Variants in AGPS observed in about 807,000 individuals in gnomAD.
The protein encoded by AGPS is alkylglycerone phosphate synthase, also known as alkyldihydroxyacetonephosphate synthase, peroxisomal.
Under a neutral mutation model 90.7 loss-of-function variants are expected in AGPS, and 26 were observed. That is an observed-to-expected ratio of 0.29 (90% CI 0.21 to 0.40). The LOEUF is 0.40. Among genes scored for constraint, AGPS ranks in the 10% least tolerant of loss-of-function variants. The pLI, the probability that AGPS is intolerant of heterozygous loss-of-function variation, is 1.00. For missense variants in AGPS, 540 were observed against 816.1 expected (o/e 0.66, Z 4.12); for synonymous variants, 294 against 285.3 (o/e 1.03, Z -0.31).
chr2:177,425,028 T>C lies in AGPS; in HGVS notation c.350+4670T>C, dbSNP rs148835837. Among the ~76,000 whole-genome samples, 525 of 152,278 alleles carry C rather than the reference T, an allele frequency of 3.4e-3. 4 individuals are homozygous for C. Among genetic ancestry groups the C allele is most frequent in the African/African-American group, 0.012 (501 of 41,566 alleles). The stretch of plus-strand genomic sequence containing the variant: ...AAATTTTCTCCCGTTCTGTAGGTTG[T>C]CTGTTCACTCTGATGATAGTTTCTT... On this transcript the variant is annotated intron_variant, in intron 2 of 19. Transcript: ENST00000264167.
Position 177,418,903 on chromosome 2 carries a change from C to T in AGPS, c.261-1366C>T, listed in dbSNP as rs1484081013. On this transcript the variant is annotated intron_variant, in intron 1 of 19. Coordinates refer to ENST00000264167, the MANE Select transcript of AGPS (RefSeq NM_003659.4). ...CCAAAAGCTCCGTTCCAAAATCTCT[C>T]TCTGCAATGAGGTAGGAATGTTATG... Among the ~76,000 whole-genome samples the T allele has an allele frequency of 2.6e-5, 4 of 151,796 alleles. No individual in the cohort carries two copies. In the South Asian group the frequency reaches 8.3e-4, roughly 31 times the overall value.
chr2:177,465,644 T>C (rs1256346559), intron 9 of AGPS, among the ~76,000 whole-genome samples: 1 of 152,204 alleles, frequency 6.6e-6, no homozygotes, highest in Non-Finnish European at 1.5e-5. Context: ...ATCAGCTCCC[T>C]ACAAGGCTGC....
At chr2:177,469,717 A>G (rs927088208) in intron 10 of AGPS, among the ~76,000 whole-genome samples, 1 of 152,248 alleles carries the variant, frequency 6.6e-6, no homozygotes, top group African/African-American at 2.4e-5. Flanking sequence ...ATCAGAAGTC[A>G]AGTTGAATAA....
intron 8 of AGPS, among the ~76,000 whole-genome samples, chr2:177,445,851 A>G (rs1163127136): frequency 1.3e-5 from 2 of 152,196 alleles, no homozygotes; most frequent in East Asian, 1.9e-4. Context: ...TGCTACCTTC[A>G]GGTAGCTTAG....
At chr2:177,427,116 C>CT (rs1394731268) in intron 2 of AGPS, among the ~76,000 whole-genome samples, 2 of 152,038 alleles carry the variant, frequency 1.3e-5, no homozygotes, top group Non-Finnish European at 2.9e-5. Context: ...AACTTATCCA[C>CT]TTTTTTCTAG....
At chr2:177,414,507 A>G (rs956289189) in intron 1 of AGPS, among the ~76,000 whole-genome samples, 9 of 152,134 alleles carry the variant, frequency 5.9e-5, no homozygotes, top group South Asian at 2.1e-4. Context: ...TTGGCCTTAA[A>G]AAGTTTTTTA....
At chr2:177,418,395 G>A (rs919218708) in intron 1 of AGPS, among the ~76,000 whole-genome samples, 3 of 151,900 alleles carry the variant, frequency 2.0e-5, no homozygotes, top group Non-Finnish European at 4.4e-5. Flanking sequence ...TAAATTCTAG[G>A]GATAATTTTA....
chr2:177,410,918 G>A (rs894137808), intron 1 of AGPS, among the ~76,000 whole-genome samples: 5 of 152,166 alleles, frequency 3.3e-5, no homozygotes, highest in Admixed American at 3.3e-4. Flanking sequence ...AAGGGGCATG[G>A]ACGAGGGGGT....
intron 2 of AGPS, among the ~76,000 whole-genome samples, chr2:177,428,610 A>C (rs1032498854): frequency 2.0e-5 from 3 of 152,182 alleles, no homozygotes; most frequent in African/African-American, 7.2e-5. Context: ...TTCTAGGTTG[A>C]AAATTCTTTT....
At chr2:177,517,026 C>T (rs1689039777) in intron 17 of AGPS, among the ~76,000 whole-genome samples, 1 of 152,042 alleles carries the variant, frequency 6.6e-6, no homozygotes, top group African/African-American at 2.4e-5. Flanking sequence ...AGGCACCTAA[C>T]ATTTGGCCTA....
At chr2:177,429,056 A>G (rs530962651) in intron 2 of AGPS, among the ~76,000 whole-genome samples, 2 of 151,862 alleles carry the variant, frequency 1.3e-5, no homozygotes, top group African/African-American at 2.4e-5. Flanking sequence ...CTTGAAGACT[A>G]TAGTCTTCAA....
In AGPS at chr2:177,436,840, T is replaced by C; in HGVS notation, c.518T>C (p.Ile173Thr). The change falls in exon 4 of 20, where the codon ATT becomes ACT. Residue 173 changes from isoleucine (I) to threonine (T), a missense_variant. Transcript: ENST00000264167. The stretch of plus-strand genomic sequence containing the variant: ...CTTCATGACCTTAAAGAAACTAATA[T>C]TTCATATTCACAAGAGGCAGATGAT... ...DFLHDLKETN[I>T]SYSQEADDRV... is the part of the protein sequence containing the mutation. The C allele has an allele frequency of 6.2e-7, 1 of 1,612,524 alleles. No individual in the cohort carries two copies. Among genetic ancestry groups the C allele is most frequent in the Non-Finnish European group, 8.5e-7 (1 of 1,178,800 alleles).
chr2:177,504,943 C>G (rs1688667142), intron 14 of AGPS, among the ~76,000 whole-genome samples: 1 of 151,904 alleles, frequency 6.6e-6, no homozygotes, highest in South Asian at 2.1e-4. Flanking sequence ...ATGAAATTTT[C>G]CAATTGAAAG....
rs540821901 is a variant in AGPS at position 177,538,270 on chromosome 2, T to C, written c.*75T>C. ...AACTGTGGTTATACTAGTAATCAAA[T>C]ATATCATGGACTATATTTTGGATAC... On this transcript the variant is annotated 3_prime_UTR_variant, in exon 20 of 20. Coordinates refer to ENST00000264167, the MANE Select transcript of AGPS (RefSeq NM_003659.4). 44 of 1,423,674 alleles carry C rather than the reference T, an allele frequency of 3.1e-5. No homozygotes were observed. In the African/African-American group the frequency reaches 4.2e-4, roughly 14 times the overall value. 88.2% of individuals were successfully genotyped at this position (1,423,674 alleles called of 1,614,324 possible).
chr2:177,483,292 A>G (rs551870969), intron 11 of AGPS, among the ~76,000 whole-genome samples: 1 of 152,266 alleles, frequency 6.6e-6, no homozygotes, highest in South Asian at 2.1e-4. Context: ...ACTCACATAT[A>G]TATATCATTC....
intron 5 of AGPS, among the ~76,000 whole-genome samples, chr2:177,438,973 A>G (rs1489427846): frequency 1.1e-5 from 1 of 93,292 alleles, no homozygotes; most frequent in South Asian, 4.2e-4. Context: ...TGGCTGTCTC[A>G]TTCTTGCAAT....
chr2:177,514,041 C>T, intron 17 of AGPS, 133 bp downstream of exon 17: 1 of 688,348 alleles, frequency 1.5e-6, no homozygotes, highest in Non-Finnish European at 2.6e-6. Context: ...CTAACCTTCA[C>T]TTACCACCTT....
intron 15 of AGPS, among the ~76,000 whole-genome samples, chr2:177,506,364 A>G (rs1364880181): frequency 1.3e-5 from 2 of 151,826 alleles, no homozygotes; most frequent in African/African-American, 4.8e-5. Context: ...GGAAATTTAT[A>G]CATAATAAAT....
chr2:177,414,357 C>T (rs1217801400), intron 1 of AGPS, among the ~76,000 whole-genome samples: 1 of 152,012 alleles, frequency 6.6e-6, no homozygotes, highest in Non-Finnish European at 1.5e-5. Context: ...AGGCTTGCAC[C>T]ACCACACCTG....
Sources: allele counts gnomAD v4.1 joint callset (sites outside exome capture counted in the v4.1 genomes callset), GRCh38; gene constraint gnomAD v4.1.1; transcripts MANE v1.5; gene names NCBI Gene and HGNC (gene_info 2026-07-23, HGNC 2026-07-21).